The following MEF2B variants were observed in gnomAD, a reference collection of about 807,000 sequenced individuals.
MEF2B encodes myocyte-specific enhancer factor 2B.
Under a neutral mutation model 32.2 loss-of-function variants are expected in MEF2B, and 15 were observed. The observed-to-expected ratio is 0.47, with a 90% CI of 0.31 to 0.72. The LOEUF (loss-of-function observed/expected upper bound fraction) is 0.72. Among genes scored for constraint, MEF2B ranks in the 30% least tolerant of loss-of-function variants. The probability of loss-of-function intolerance (pLI) is 0.05; values close to 1 mark genes in which losing one functional copy is unlikely to be tolerated. For synonymous variants in MEF2B, 205 were observed against 225.6 expected (o/e 0.91, Z 0.82); for missense variants, 441 against 511.5 (o/e 0.86, Z 1.33).
At chr19:19,161,423 C>G (rs1033634418) in intron 1 of MEF2B, among the ~76,000 whole-genome samples, 1 of 152,068 alleles carries the variant, frequency 6.6e-6, no homozygotes, top group Non-Finnish European at 1.5e-5. Flanking sequence ...CACAAGTATT[C>G]CTCCTGCGAA....
chr19:19,153,702 C>T (rs968013973), intron 1 of MEF2B, among the ~76,000 whole-genome samples: 1 of 152,072 alleles, frequency 6.6e-6, no homozygotes, highest in African/African-American at 2.4e-5. Flanking sequence ...AGTGATCTGC[C>T]CGCCTTGGCC....
chr19:19,152,773 C>T (rs76244467), intron 1 of MEF2B, among the ~76,000 whole-genome samples: 2,342 of 152,326 alleles, frequency 0.015, 49 homozygotes, highest in African/African-American at 0.041. Context: ...CCTGCCCAAG[C>T]GGTCTGGGCA....
At position 19,147,835 on chromosome 19, in the gene MEF2B, A is replaced by G. The variant is rs2060040869; in HGVS notation, c.259-3T>C. The stretch of plus-strand genomic sequence containing the variant: ...CCAATGCCCCTCCGCTTCAGCGTCT[A>G]TGGGGACAGGAGACAACAGGGTAGA... On this transcript the variant is annotated splice_polypyrimidine_tract_variant and splice_region_variant and intron_variant, in intron 3 of 8. Coordinates refer to ENST00000424583, the MANE Select transcript of MEF2B (RefSeq NM_001145785.2). 1.2e-6 allele frequency: 2 copies of G among 1,612,868 alleles called. No homozygotes were observed. The highest frequency in any genetic ancestry group is 1.7e-6 in the Non-Finnish European group (2 of 1,179,782).
At chr19:19,148,726 T>TA (rs2060048269) in intron 3 of MEF2B, among the ~76,000 whole-genome samples, 6 of 141,674 alleles carry the variant, frequency 4.2e-5, no homozygotes, top group African/African-American at 1.3e-4. Flanking sequence ...TTTATTTATT[T>TA]TTTGAGACAG....
At chr19:19,155,913 T>C (rs1307065748) in intron 1 of MEF2B, among the ~76,000 whole-genome samples, 2 of 152,156 alleles carry the variant, frequency 1.3e-5, no homozygotes, top group Admixed American at 6.6e-5. Flanking sequence ...CAGAGAGCTG[T>C]GGCATCTGCC....
intron 1 of MEF2B, among the ~76,000 whole-genome samples, chr19:19,152,806 C>G (rs1457752299): frequency 6.6e-6 from 1 of 152,224 alleles, no homozygotes; most frequent in African/African-American, 2.4e-5. Context: ...ATCCCAGGGC[C>G]CAGAAGTGTT....
chr19:19,162,131 T>A (rs1465108557), intron 1 of MEF2B, among the ~76,000 whole-genome samples: 1 of 151,844 alleles, frequency 6.6e-6, no homozygotes, highest in Non-Finnish European at 1.5e-5. Context: ...ATTATTATTT[T>A]TTTTTGAGAT....
chr19:19,164,327 A>C (rs1178766333), intron 1 of MEF2B, among the ~76,000 whole-genome samples: 1 of 152,198 alleles, frequency 6.6e-6, no homozygotes, highest in African/African-American at 2.4e-5. Context: ...CATCCAGCCC[A>C]CAGGCTGCCA....
intron 1 of MEF2B, among the ~76,000 whole-genome samples, chr19:19,165,467 C>T (rs566576271): frequency 6.6e-6 from 1 of 152,160 alleles, no homozygotes; most frequent in South Asian, 2.1e-4. Context: ...GAGGTGGGAG[C>T]CAGGTGGACA....
intron 1 of MEF2B, among the ~76,000 whole-genome samples, chr19:19,163,975 G>GA (rs2060187192): frequency 6.6e-6 from 1 of 151,864 alleles, no homozygotes; most frequent in Admixed American, 6.6e-5. Flanking sequence ...AGCCCTACTT[G>GA]TTTTTTCTTG....
intron 1 of MEF2B, among the ~76,000 whole-genome samples, chr19:19,151,865 G>A (rs2060083408): frequency 6.6e-6 from 1 of 152,024 alleles, no homozygotes; most frequent in Non-Finnish European, 1.5e-5. Context: ...GCTCACGCCT[G>A]TAATCCCAGC....
At chr19:19,164,671 G>A (rs541752594) in intron 1 of MEF2B, among the ~76,000 whole-genome samples, 6 of 152,278 alleles carry the variant, frequency 3.9e-5, no homozygotes, top group East Asian at 1.9e-4. Flanking sequence ...AAAATTAGCC[G>A]GGCATGATGG....
intron 1 of MEF2B, among the ~76,000 whole-genome samples, chr19:19,167,830 T>C (rs72997121): frequency 1.3e-3 from 196 of 152,292 alleles, no homozygotes; most frequent in Non-Finnish European, 2.2e-3. Flanking sequence ...CTGGGCCTCG[T>C]GACCCCAGCC....
At position 19,145,586 on chromosome 19, in the gene MEF2B, G is replaced by T; in HGVS notation, c.*211C>A. 8.5e-7 allele frequency: 1 copy of T among 1,183,012 alleles called. No homozygotes were observed. The highest frequency in any genetic ancestry group is 1.2e-6 in the Non-Finnish European group (1 of 860,682). The allele number at this position is 1,183,012 out of a possible 1,614,324, so 73.3% of individuals were successfully genotyped here. A position where few individuals can be genotyped will look rare whatever the true frequency, so the allele number is the denominator to read the frequency against. On this transcript the variant is annotated 3_prime_UTR_variant, in exon 9 of 9. Coordinates refer to ENST00000424583, the MANE Select transcript of MEF2B (RefSeq NM_001145785.2). This position sits in a 1 kb window ranked among gnomAD's most constrained non-coding sequence, Gnocchi z 4.6. ...AGTCAGTCTGGTCCACGGACGCCAC[G>T]CGCGTTTTATTTGTGGATATACACA...
At position 19,146,659 on chromosome 19, in the gene MEF2B, A is replaced by G; in HGVS notation, c.676-11T>C. On this transcript the variant is annotated splice_polypyrimidine_tract_variant and intron_variant, in intron 6 of 8. Transcript: ENST00000424583. Reference sequence around the variant, plus strand: ...ACTGTAGAGGCTTCTCTGTGCGGAGAGAGGGTGAAGGGGAAACTGAGGCCC... The same window carrying G: ...ACTGTAGAGGCTTCTCTGTGCGGAGGGAGGGTGAAGGGGAAACTGAGGCCC... The G allele has an allele frequency of 6.2e-7, 1 of 1,613,332 alleles. No homozygotes were observed. Among genetic ancestry groups the G allele is most frequent in the Non-Finnish European group, 8.5e-7 (1 of 1,179,708 alleles).
At chr19:19,149,188 C>A in intron 3 of MEF2B, 38 bp downstream of exon 3, 1 of 1,608,654 alleles carries the variant, frequency 6.2e-7, no homozygotes, top group Non-Finnish European at 8.5e-7. Context: ...GCAGCGTGCA[C>A]GGGGCCTTGT....
Position 19,147,230 on chromosome 19 carries a change from G to T in MEF2B, c.394-47C>A. The T allele has an allele frequency of 5.8e-6, 4 of 695,290 alleles. 1 individual carries two copies. In the South Asian group the frequency reaches 9.4e-5, roughly 16 times the overall value. The allele number at this position is 695,290 out of a possible 1,614,324, so 43.1% of individuals were successfully genotyped here. On this transcript the variant is annotated intron_variant, in intron 4 of 8. Transcript: ENST00000424583. ...GTCAGAGGACCCCAGGCCAGATGGG[G>T]GTGCCAAGTCCAAGGGAGAAAATCC... is the stretch of plus-strand genomic sequence containing the variant.
intron 1 of MEF2B, among the ~76,000 whole-genome samples, chr19:19,169,743 G>C (rs1041455618): frequency 6.6e-6 from 1 of 152,136 alleles, no homozygotes; most frequent in African/African-American, 2.4e-5. Context: ...CCCGTTCCAA[G>C]GTTTTGTGCC....
At chr19:19,159,213 T>A (rs1397244410) in intron 1 of MEF2B, among the ~76,000 whole-genome samples, 1 of 138,674 alleles carries the variant, frequency 7.2e-6, no homozygotes, top group Non-Finnish European at 1.5e-5. Flanking sequence ...AGTGCTGGGA[T>A]TACAGGCGTG....
Sources: allele counts gnomAD v4.1 joint callset (sites outside exome capture counted in the v4.1 genomes callset), GRCh38; gene constraint gnomAD v4.1.1; non-coding constraint Gnocchi (gnomAD v3.1); transcripts MANE v1.5; gene names NCBI Gene and HGNC (gene_info 2026-07-23, HGNC 2026-07-21).